IL1RAPL2: variants seen among roughly 807,000 people sequenced by gnomAD.
IL1RAPL2 encodes the protein interleukin 1 receptor accessory protein like 2.
In IL1RAPL2, 3 loss-of-function variants were observed where a neutral mutation model predicts 44.1. That is an observed-to-expected ratio of 0.07 (90% CI 0.03 to 0.18). The LOEUF (loss-of-function observed/expected upper bound fraction) is 0.18, where lower values mean the gene tolerates loss of function less well. Ranked by LOEUF, IL1RAPL2 falls within the 10% of genes least tolerant of loss-of-function variation. IL1RAPL2 has a pLI of 1.00. For synonymous variants in IL1RAPL2, 181 were observed against 178.8 expected (o/e 1.01, Z -0.10); for missense variants, 391 against 496.4 (o/e 0.79, Z 2.02).
chrX:105,677,478 T>C (rs2037882573), intron 6 of IL1RAPL2, among the ~76,000 whole-genome samples: 1 of 112,523 alleles, frequency 8.9e-6, no homozygotes, highest in Admixed American at 9.5e-5. Flanking sequence ...CAAAGAGAAA[T>C]ACTTGCATTA....
At chrX:105,423,867 T>TAA (rs111770482) in intron 5 of IL1RAPL2, among the ~76,000 whole-genome samples, 18 of 86,120 alleles carry the variant, frequency 2.1e-4, no homozygotes, top group East Asian at 7.2e-4. Flanking sequence ...TGGAAACAAG[T>TAA]AAAAAAAAAA....
intron 2 of IL1RAPL2, among the ~76,000 whole-genome samples, chrX:105,116,146 A>G (rs2032859018): frequency 8.9e-6 from 1 of 112,305 alleles, no homozygotes; most frequent in Admixed American, 9.3e-5. Context: ...CATCCCAGGA[A>G]GGGGCTCCCA....
intron 1 of IL1RAPL2, among the ~76,000 whole-genome samples, chrX:104,577,442 A>G (rs1215074551): frequency 1.8e-5 from 2 of 111,868 alleles, no homozygotes; most frequent in Non-Finnish European, 3.8e-5. Context: ...GTTGATCCAG[A>G]ACTGAGTTTT....
intron 2 of IL1RAPL2, among the ~76,000 whole-genome samples, chrX:105,168,463 G>T (rs1451755536): frequency 1.9e-5 from 2 of 103,309 alleles, no homozygotes; most frequent in Non-Finnish European, 3.9e-5. Context: ...GCACGTGCAT[G>T]TAAAGAGAGA....
In IL1RAPL2 at chrX:105,244,957, G is replaced by T. The variant is rs181678677; in HGVS notation, c.543+10953G>T. On this transcript the variant is annotated intron_variant, in intron 4 of 10. Coordinates refer to ENST00000372582, the MANE Select transcript of IL1RAPL2 (RefSeq NM_017416.2). Reference sequence around the variant, plus strand: ...CATTTGTCTTATTTGAACACATTTTGAAGTTGGCCACATTTGATTGGTCAA... The same window carrying T: ...CATTTGTCTTATTTGAACACATTTTTAAGTTGGCCACATTTGATTGGTCAA... Among the ~76,000 whole-genome samples, 394 of 111,664 alleles carry T rather than the reference G, an allele frequency of 3.5e-3. 1 individual carries two copies. The highest frequency in any genetic ancestry group is 4.7e-3 in the Middle Eastern group (1 of 215).
rs375700643 is a variant in IL1RAPL2, at chrX:105,487,373, C to T, written c.772+2986C>T. On this transcript the variant is annotated intron_variant, in intron 6 of 10. Transcript: ENST00000372582. Reference sequence around the variant, plus strand: ...CTGTATTCTAACATAGATATATATGCCAAAATACCCTACCAAGTACTACCA... The same window carrying T: ...CTGTATTCTAACATAGATATATATGTCAAAATACCCTACCAAGTACTACCA... Among the ~76,000 whole-genome samples, 26 of 111,501 alleles carry T rather than the reference C, an allele frequency of 2.3e-4. No individual in the cohort carries two copies. The East Asian group carries it at 2.8e-3, about 12-fold the overall frequency.
chrX:105,139,593 T>C (rs1272304230), intron 2 of IL1RAPL2, among the ~76,000 whole-genome samples: 3 of 111,828 alleles, frequency 2.7e-5, no homozygotes, highest in Non-Finnish European at 5.6e-5. Flanking sequence ...TGATGAGGGC[T>C]GTATTCCAGG....
intron 5 of IL1RAPL2, among the ~76,000 whole-genome samples, chrX:105,281,313 A>G (rs912845071): frequency 1.8e-5 from 2 of 111,527 alleles, no homozygotes; most frequent in Non-Finnish European, 3.8e-5. Flanking sequence ...TAGGAGAAAT[A>G]CCTAATGTAG....
intron 2 of IL1RAPL2, among the ~76,000 whole-genome samples, chrX:105,048,123 T>C (rs1285862215): frequency 9.0e-6 from 1 of 111,141 alleles, no homozygotes; most frequent in East Asian, 2.8e-4. Context: ...GTGTCCATTG[T>C]GACAGTCTAG....
At chrX:105,144,097 GT>G (rs2033155870) in intron 2 of IL1RAPL2, among the ~76,000 whole-genome samples, 12 of 33,848 alleles carry the variant, frequency 3.5e-4, no homozygotes, top group East Asian at 3.3e-3. Context: ...ACAGATGGGT[GT>G]GTGTGTGTGT....
At chrX:105,034,623 C>T (rs938481153) in intron 2 of IL1RAPL2, among the ~76,000 whole-genome samples, 3 of 111,810 alleles carry the variant, frequency 2.7e-5, no homozygotes, top group Non-Finnish European at 3.8e-5. Context: ...GAGGAGTACC[C>T]GGTCATGTGA....
intron 6 of IL1RAPL2, among the ~76,000 whole-genome samples, chrX:105,633,488 G>A (rs893367196): frequency 1.7e-4 from 19 of 111,076 alleles, no homozygotes; most frequent in African/African-American, 3.9e-4. Flanking sequence ...CTTGAGTCTC[G>A]AAAATTTAAA....
At chrX:104,720,650 A>G (rs1273065138) in intron 2 of IL1RAPL2, among the ~76,000 whole-genome samples, 3 of 111,857 alleles carry the variant, frequency 2.7e-5, no homozygotes, top group African/African-American at 6.5e-5. Context: ...GATGTTTTGT[A>G]GACATCCTGG....
At chrX:105,531,655 C>T (rs932763163) in intron 6 of IL1RAPL2, among the ~76,000 whole-genome samples, 1 of 111,668 alleles carries the variant, frequency 9.0e-6, no homozygotes, top group African/African-American at 3.3e-5. Context: ...GGTGATTTTT[C>T]CCAATTTTTT....
intron 2 of IL1RAPL2, among the ~76,000 whole-genome samples, chrX:104,889,528 A>C (rs932228063): frequency 1.8e-5 from 2 of 111,684 alleles, no homozygotes; most frequent in African/African-American, 6.5e-5. Flanking sequence ...ATTCCTACTA[A>C]CTGGACAGGC....
chrX:104,687,465 A>G lies in IL1RAPL2; in HGVS notation c.82+28470A>G, dbSNP rs143377804. 8.9e-3 allele frequency among the ~76,000 whole-genome samples: 988 copies of G among 111,404 alleles called. 6 individuals are homozygous for G. Among genetic ancestry groups the G allele is most frequent in the African/African-American group, 0.03 (930 of 30,602 alleles). On this transcript the variant is annotated intron_variant, in intron 2 of 10. Coordinates refer to ENST00000372582, the MANE Select transcript of IL1RAPL2 (RefSeq NM_017416.2). The stretch of plus-strand genomic sequence containing the variant: ...ATTACCTCAAGGATGGCACCAAGCC[A>G]TTTACGAGGAATCTGCCCTCATGAT...
Position 104,632,615 on chromosome X carries a change from G to A in IL1RAPL2, c.-19-26280G>A, listed in dbSNP as rs745701735. Among the ~76,000 whole-genome samples the A allele has an allele frequency of 6.5e-5, 7 of 107,351 alleles. No homozygotes were observed. The East Asian group carries it at 1.5e-3, about 23-fold the overall frequency. 93.2% of individuals were successfully genotyped at this position (107,351 alleles called of 115,157 possible). A position where few individuals can be genotyped will look rare whatever the true frequency, so the allele number is the denominator to read the frequency against. ...TTCTCTTTGAAGCAATTGTGAATGG[G>A]AGTTCACTCATGATTTGGCTCTCTG... On this transcript the variant is annotated intron_variant, in intron 1 of 10. Coordinates refer to ENST00000372582, the MANE Select transcript of IL1RAPL2 (RefSeq NM_017416.2).
chrX:105,297,483 G>A (rs1482914176), intron 5 of IL1RAPL2, among the ~76,000 whole-genome samples: 1 of 110,924 alleles, frequency 9.0e-6, no homozygotes, highest in Admixed American at 9.7e-5. Flanking sequence ...TGGCTGGGGG[G>A]TGCCTCAGGA....
chrX:105,732,303 A>G (rs2038412881), intron 7 of IL1RAPL2, among the ~76,000 whole-genome samples: 1 of 110,868 alleles, frequency 9.0e-6, no homozygotes, highest in Non-Finnish European at 1.9e-5. Context: ...CTCATGTGGA[A>G]TTGTAATCCC....
Sources: gnomAD v4.1 joint callset for allele counts (sites outside exome capture counted in the v4.1 genomes callset) on GRCh38, gnomAD v4.1.1 for gene constraint, MANE v1.5 for transcripts, NCBI Gene and HGNC (gene_info 2026-07-23, HGNC 2026-07-21) for gene names.